TDG: variants seen among roughly 807,000 people sequenced by gnomAD.
TDG encodes G/T mismatch-specific thymine DNA glycosylase.
In TDG, 23 loss-of-function variants were observed where a neutral mutation model predicts 46.1. The observed-to-expected ratio is 0.50, with a 90% CI of 0.36 to 0.71. TDG has a LOEUF of 0.71. Ranked by LOEUF, TDG falls within the 30% of genes least tolerant of loss-of-function variation. The pLI is 0.00. For synonymous variants in TDG, 115 were observed against 161.3 expected, an observed-to-expected ratio of 0.71 and a Z score of 2.18; for missense variants, 304 against 486.7, an observed-to-expected ratio of 0.62 and a Z score of 3.53.
chr12:103,968,072 A>G (rs1871135209), intron 1 of TDG: 1 of 151,324 alleles, frequency 6.6e-6, no homozygotes, highest in Non-Finnish European at 1.5e-5. Flanking sequence ...TCAAGTGATC[A>G]CTTTGGCCTC....
intron 1 of TDG, chr12:103,972,890 G>A (rs1053900065): frequency 1.6e-6 from 1 of 611,990 alleles, no homozygotes; most frequent in South Asian, 1.9e-5. Context: ...TAAAAGTTTT[G>A]AAAAATTTTT....
intron 8 of TDG, 82 bp downstream of exon 8, chr12:103,985,002 C>T (rs28689116): frequency 2.7e-6 from 3 of 1,102,984 alleles, no homozygotes; most frequent in South Asian, 2.1e-5. Context: ...TACACATATA[C>T]ATATATACAT....
At chr12:103,973,167 C>T in intron 1 of TDG, 1 of 629,650 alleles carries the variant, frequency 1.6e-6, no homozygotes. Flanking sequence ...TCACCACAAC[C>T]TCCACCTCCT....
chr12:103,969,325 A>G (rs1415914440), intron 1 of TDG, among the ~76,000 whole-genome samples: 2 of 152,196 alleles, frequency 1.3e-5, no homozygotes, highest in Non-Finnish European at 1.5e-5. Flanking sequence ...CTAGCTAGCA[A>G]ATGTGCTTTA....
intron 1 of TDG, among the ~76,000 whole-genome samples, chr12:103,966,427 A>G (rs1248361103): frequency 1.3e-5 from 2 of 152,338 alleles, no homozygotes; most frequent in South Asian, 2.1e-4. Flanking sequence ...AGCTGTAAAG[A>G]TGAGTGTCGA....
At chr12:103,970,925 A>G (rs1871259359) in intron 1 of TDG, among the ~76,000 whole-genome samples, 1 of 152,112 alleles carries the variant, frequency 6.6e-6, no homozygotes, top group Non-Finnish European at 1.5e-5. Context: ...TGTGGATTGA[A>G]ATTATTTGGG....
chr12:103,981,132 T>G (rs554528871), intron 4 of TDG, among the ~76,000 whole-genome samples, 170 bp downstream of exon 4: 7 of 152,022 alleles, frequency 4.6e-5, no homozygotes, highest in Admixed American at 2.6e-4. Context: ...TTTGAAATGA[T>G]ATGTTACTGT....
chr12:103,988,571 G>GA lies in TDG; in HGVS notation c.*1481_*1482insA, dbSNP rs1183746965. ...TTAAATTATTTTTTCACGGGACTGT[G>GA]TAAAGCATGTAACTAGGTATTGCTT... On this transcript the variant is annotated 3_prime_UTR_variant, in exon 10 of 10. Transcript: ENST00000392872. 1 of 152,756 alleles carries GA rather than the reference G, an allele frequency of 6.5e-6. No homozygotes were observed. Among genetic ancestry groups the GA allele is most frequent in the Non-Finnish European group, 1.5e-5 (1 of 68,064 alleles). 9.5% of individuals were successfully genotyped at this position (152,756 alleles called of 1,614,324 possible).
At chr12:103,971,672 G>A (rs4135060) in intron 1 of TDG, among the ~76,000 whole-genome samples, 13,748 of 152,134 alleles carry the variant, frequency 0.09, 935 homozygotes, top group East Asian at 0.31. Flanking sequence ...AAATGAGGGA[G>A]AGTGAGAGGT....
rs893247256 is a variant in TDG at position 103,983,030 on chromosome 12, G to A, written c.614+96G>A. ...ATCATATGTATCTAGTTCAAGCTGA[G>A]CTCAACAAATGTACAATATGCTCTT... On this transcript the variant is annotated intron_variant, in intron 5 of 9. Transcript: ENST00000392872. 1.9e-6 allele frequency: 3 copies of A among 1,574,530 alleles called. No individual in the cohort carries two copies. The African/African-American group carries it at 4.1e-5, about 21-fold the overall frequency.
chr12:103,966,265 C>G (rs1009704393), intron 1 of TDG, among the ~76,000 whole-genome samples: 9 of 152,144 alleles, frequency 5.9e-5, no homozygotes, highest in Non-Finnish European at 1.2e-4. Flanking sequence ...TGAGGGTTAC[C>G]TGGTGCACCT....
At chr12:103,972,201 C>T (rs1464210776) in intron 1 of TDG, among the ~76,000 whole-genome samples, 2 of 152,070 alleles carry the variant, frequency 1.3e-5, no homozygotes, top group Non-Finnish European at 2.9e-5. Flanking sequence ...TTACTGCAGC[C>T]TCCGCCTCCC....
Position 103,977,076 on chromosome 12 carries a change from G to C in TDG, c.166+16G>C. On this transcript the variant is annotated intron_variant, in intron 2 of 9. Coordinates refer to ENST00000392872, the MANE Select transcript of TDG (RefSeq NM_003211.6). ...CCAGTGCAAGGTAGTTTCACCATGA[G>C]AGCTTAGAAAGTTCAACATCGGATC... 1 of 1,590,184 alleles carries C rather than the reference G, an allele frequency of 6.3e-7. No individual in the cohort carries two copies. The highest frequency in any genetic ancestry group is 8.5e-7 in the Non-Finnish European group (1 of 1,171,734).
At position 103,985,623 on chromosome 12, in the gene TDG, G is replaced by T. The variant is rs776490263; in HGVS notation, c.985G>T (p.Val329Phe). Residue 329 changes from valine (V) to phenylalanine (F), a missense_variant, in exon 9 of 10, where the codon GTT becomes TTT. Coordinates refer to ENST00000392872, the MANE Select transcript of TDG (RefSeq NM_003211.6). ...CACAGAGGATGCAAAGAAGATGGCT[G>T]TTAAGGAAGAAAAATATGATCCAGG... Reference protein sequence around the residue: ...LAQEDAKKMAVKEEKYDPGYE... With the variant: ...LAQEDAKKMAFKEEKYDPGYE... 2 of 1,614,024 alleles carry T rather than the reference G, an allele frequency of 1.2e-6. No individual in the cohort carries two copies. Among genetic ancestry groups the T allele is most frequent in the African/African-American group, 2.7e-5 (2 of 75,078 alleles).
chr12:103,985,582 T>C (rs1481107134), intron 8 of TDG, 21 bp from the exon 9 acceptor site: 2 of 1,589,206 alleles, frequency 1.3e-6, no homozygotes, highest in Non-Finnish European at 1.7e-6. Context: ...CAGATTTAAA[T>C]CCTTTTTACC....
At chr12:103,986,757 C>A in intron 9 of TDG, 191 bp from the exon 10 acceptor site, 2 of 522,966 alleles carry the variant, frequency 3.8e-6, no homozygotes, top group Non-Finnish European at 3.3e-6. Flanking sequence ...CGGTGGCTCA[C>A]ACCTGTAATC....
intron 3 of TDG, 130 bp from the exon 4 acceptor site, chr12:103,980,758 TAAATG>T (rs751564556): frequency 1.5e-6 from 1 of 669,186 alleles, no homozygotes; most frequent in Non-Finnish European, 2.6e-6. Context: ...TAGTAATTGA[TAAATG>T]ATATTGCTTA....
At chr12:103,978,246 G>A (rs117833350) in intron 2 of TDG, among the ~76,000 whole-genome samples, 3 of 151,998 alleles carry the variant, frequency 2.0e-5, no homozygotes, top group African/African-American at 7.3e-5. Flanking sequence ...CATGTGTTTG[G>A]GGGGAGCATG....
At chr12:103,986,864 G>A (rs764477639) in intron 9 of TDG, 84 bp from the exon 10 acceptor site, 84 of 1,470,656 alleles carry the variant, frequency 5.7e-5, no homozygotes, top group Middle Eastern at 1.8e-4. Context: ...CAGCCTGGGC[G>A]ATAGAGTAAG....
Sources: allele counts gnomAD v4.1 joint callset (sites outside exome capture counted in the v4.1 genomes callset), GRCh38; gene constraint gnomAD v4.1.1; transcripts MANE v1.5; gene names NCBI Gene and HGNC (gene_info 2026-07-23, HGNC 2026-07-21).